Variants in GPD2 observed in about 807,000 individuals in gnomAD.
The protein encoded by GPD2 is glycerol-3-phosphate dehydrogenase, mitochondrial.
Under a neutral mutation model 82.4 loss-of-function variants are expected in GPD2, and 54 were observed. That is an observed-to-expected ratio of 0.66 (90% confidence interval 0.53 to 0.82). The LOEUF (loss-of-function observed/expected upper bound fraction) is 0.82. Among genes scored for constraint, GPD2 ranks in the 40% least tolerant of loss-of-function variants. GPD2 has a pLI of 0.00. For missense variants in GPD2, 748 were observed against 896.2 expected (o/e 0.83, Z 2.11); for synonymous variants, 288 against 306.1 (o/e 0.94, Z 0.62).
At chr2:156,495,216 G>A (rs192509137) in intron 2 of GPD2, among the ~76,000 whole-genome samples, 2 of 152,182 alleles carry the variant, frequency 1.3e-5, no homozygotes, top group Non-Finnish European at 2.9e-5. Flanking sequence ...AGGCTTGGTG[G>A]CGCACACCTG....
At chr2:156,483,132 CA>C (rs1181860570) in intron 2 of GPD2, among the ~76,000 whole-genome samples, 1 of 150,198 alleles carries the variant, frequency 6.7e-6, no homozygotes, top group South Asian at 2.1e-4. Context: ...AAAAAAAAAA[CA>C]AAAAACAAAA....
chr2:156,444,424 T>C (rs1682282856), intron 1 of GPD2, among the ~76,000 whole-genome samples: 1 of 152,124 alleles, frequency 6.6e-6, no homozygotes, highest in Admixed American at 6.6e-5. Context: ...CTAAAAAATA[T>C]AGATTCCGCA....
intron 9 of GPD2, among the ~76,000 whole-genome samples, chr2:156,557,929 A>T (rs1558960396): frequency 1.3e-5 from 2 of 152,218 alleles, no homozygotes; most frequent in South Asian, 2.1e-4. Flanking sequence ...TAATTTACAG[A>T]TGCAGGATAT....
chr2:156,445,301 C>A (rs1018839216), intron 1 of GPD2, among the ~76,000 whole-genome samples: 6 of 152,124 alleles, frequency 3.9e-5, no homozygotes, highest in African/African-American at 2.4e-5. Flanking sequence ...GGCAGAAACT[C>A]CCTTAAAAAC....
chr2:156,528,562 A>G (rs1295540375), intron 6 of GPD2, among the ~76,000 whole-genome samples: 1 of 148,206 alleles, frequency 6.7e-6, no homozygotes, highest in Non-Finnish European at 1.5e-5. Context: ...AGCATTAGGT[A>G]TATCTCCCAA....
intron 6 of GPD2, among the ~76,000 whole-genome samples, chr2:156,526,959 C>A (rs1441192003): frequency 6.6e-6 from 1 of 152,124 alleles, no homozygotes. Context: ...TTGGCATAGT[C>A]CCTAGTTTCT....
the GPD2 span, among the ~76,000 whole-genome samples, chr2:156,401,053 T>C: frequency 6.6e-6 from 1 of 152,220 alleles, no homozygotes. Context: ...TTAATACTTC[T>C]TTATTTGCAT....
intron 6 of GPD2, among the ~76,000 whole-genome samples, chr2:156,534,796 G>T (rs1036116312): frequency 2.0e-5 from 3 of 151,146 alleles, no homozygotes; most frequent in Admixed American, 2.0e-4. Flanking sequence ...AGAATAACAT[G>T]AATTGCTTTT....
chr2:156,489,204 A>G (rs1048353752), intron 2 of GPD2, among the ~76,000 whole-genome samples: 1 of 152,250 alleles, frequency 6.6e-6, no homozygotes, highest in South Asian at 2.1e-4. Context: ...AGCCTTGCCT[A>G]AGGATGGCAG....
the GPD2 span, among the ~76,000 whole-genome samples, chr2:156,427,514 G>A: frequency 6.6e-6 from 1 of 152,246 alleles, no homozygotes; most frequent in South Asian, 2.1e-4. Context: ...ACAAGGCTTT[G>A]GTATTGCTTG....
chr2:156,568,283 T>C (rs1016517665), intron 9 of GPD2, among the ~76,000 whole-genome samples: 1 of 152,036 alleles, frequency 6.6e-6, no homozygotes, highest in Admixed American at 6.6e-5. Flanking sequence ...TTAAATGAGA[T>C]GTCTATGTCA....
At position 156,586,400 on chromosome 2, in the gene GPD2, C is replaced by T. The variant is rs1327297791; in HGVS notation, c.*3482C>T. 1 of 151,998 alleles carries T rather than the reference C, an allele frequency of 6.6e-6. No homozygotes were observed. Among genetic ancestry groups the T allele is most frequent in the East Asian group, 1.9e-4 (1 of 5,182 alleles). The allele number at this position is 151,998 out of a possible 1,614,324, so 9.4% of individuals were successfully genotyped here. On this transcript the variant is annotated 3_prime_UTR_variant, in exon 17 of 17. Coordinates refer to ENST00000438166, the MANE Select transcript of GPD2 (RefSeq NM_000408.5). ...TACAATTACATTCATCCTATTACAA[C>T]TCAGTTGAATTCTTTTTTCCTTTTA...
chr2:156,471,624 C>T (rs1479132423), intron 1 of GPD2, among the ~76,000 whole-genome samples: 1 of 152,150 alleles, frequency 6.6e-6, no homozygotes, highest in African/African-American at 2.4e-5. Flanking sequence ...TACTCACTCC[C>T]CTCCAAATTT....
chr2:156,533,967 T>C (rs1685963512), intron 6 of GPD2, among the ~76,000 whole-genome samples: 1 of 152,200 alleles, frequency 6.6e-6, no homozygotes, highest in African/African-American at 2.4e-5. Flanking sequence ...AGCTCTGCCA[T>C]CTGCAGAAAG....
At chr2:156,400,787 T>A in the GPD2 span, among the ~76,000 whole-genome samples, 1 of 152,182 alleles carries the variant, frequency 6.6e-6, no homozygotes, top group African/African-American at 2.4e-5. Flanking sequence ...AGCTCAGTGG[T>A]AGAGCGCGCG....
intron 4 of GPD2, among the ~76,000 whole-genome samples, chr2:156,511,426 G>A (rs1684994113): frequency 6.6e-6 from 1 of 152,162 alleles, no homozygotes; most frequent in African/African-American, 2.4e-5. Flanking sequence ...AAGGCAGTGT[G>A]GAAGATGACA....
chr2:156,569,895 G>C (rs1251809737), intron 11 of GPD2, among the ~76,000 whole-genome samples, 192 bp from the exon 12 acceptor site: 1 of 152,130 alleles, frequency 6.6e-6, no homozygotes, highest in Non-Finnish European at 1.5e-5. Context: ...ACATGTGTAA[G>C]AGAGTTAGTG....
chr2:156,406,693 G>A, the GPD2 span, among the ~76,000 whole-genome samples: 1 of 152,152 alleles, frequency 6.6e-6, no homozygotes, highest in Non-Finnish European at 1.5e-5. Context: ...GAGGAAATGT[G>A]AGTGGGAATT....
intron 2 of GPD2, among the ~76,000 whole-genome samples, chr2:156,483,954 A>T (rs1360511106): frequency 2.7e-5 from 4 of 150,690 alleles, no homozygotes; most frequent in African/African-American, 9.8e-5. Flanking sequence ...CTGTAGCTGA[A>T]ACTATCACAT....
Sources: gnomAD v4.1 joint callset for allele counts (sites outside exome capture counted in the v4.1 genomes callset) on GRCh38, gnomAD v4.1.1 for gene constraint, MANE v1.5 for transcripts, NCBI Gene and HGNC (gene_info 2026-07-23, HGNC 2026-07-21) for gene names.